Variants in MYO16 observed in about 807,000 individuals in gnomAD.
MYO16 encodes unconventional myosin-XVI.
In MYO16, 94 loss-of-function variants were observed where a neutral mutation model predicts 205.3. The ratio of observed to expected loss-of-function variants is 0.46; its 90% CI spans 0.39 to 0.54. The LOEUF (loss-of-function observed/expected upper bound fraction) is 0.54. Among genes scored for constraint, MYO16 ranks in the 20% least tolerant of loss-of-function variants. The pLI, the probability that MYO16 is intolerant of heterozygous loss-of-function variation, is 0.00. For missense variants in MYO16, 2,315 were observed against 2,387.5 expected, an observed-to-expected ratio of 0.97 and a Z score of 0.63; for synonymous variants, 988 against 954.0, an observed-to-expected ratio of 1.04 and a Z score of -0.66.
chr13:108,566,635 GAAAGA>G, the MYO16 span, among the ~76,000 whole-genome samples: 11 of 143,984 alleles, frequency 7.6e-5, no homozygotes, highest in East Asian at 4.1e-4. Flanking sequence ...GTGTAAGAAA[GAAAGA>G]AAAGAAAAGA....
intron 23 of MYO16, among the ~76,000 whole-genome samples, chr13:109,034,887 G>A (rs1886664619): frequency 6.6e-6 from 1 of 152,138 alleles, no homozygotes; most frequent in Admixed American, 6.5e-5. Flanking sequence ...TTAAAATTCA[G>A]TGTGAAGTGG....
At chr13:108,550,110 G>T in the MYO16 span, among the ~76,000 whole-genome samples, 14 of 152,250 alleles carry the variant, frequency 9.2e-5, no homozygotes, top group Admixed American at 2.0e-4. Context: ...TGGACAAGAA[G>T]TGAAGCATCT....
intron 21 of MYO16, among the ~76,000 whole-genome samples, chr13:109,007,118 G>A (rs189178075): frequency 5.3e-5 from 8 of 152,210 alleles, no homozygotes; most frequent in Non-Finnish European, 1.2e-4. Context: ...GCCAGGGGCG[G>A]TGGCTCATGC....
At chr13:108,996,110 C>G (rs1884993023) in intron 21 of MYO16, among the ~76,000 whole-genome samples, 2 of 152,184 alleles carry the variant, frequency 1.3e-5, no homozygotes, top group Non-Finnish European at 2.9e-5. Flanking sequence ...ATAAATCATG[C>G]TGCTATAAAG....
intron 32 of MYO16, among the ~76,000 whole-genome samples, chr13:109,145,648 A>G (rs1877295851): frequency 6.6e-6 from 1 of 152,220 alleles, no homozygotes; most frequent in African/African-American, 2.4e-5. Flanking sequence ...TGTGGCTAAT[A>G]TTATTATGCT....
the MYO16 span, among the ~76,000 whole-genome samples, chr13:108,589,356 T>C: frequency 0.015 from 2,263 of 152,332 alleles, 40 homozygotes; most frequent in East Asian, 0.054. Context: ...TCATATTTTA[T>C]TGTGCTACAT....
chr13:108,872,773 A>G (rs957119791), intron 12 of MYO16, among the ~76,000 whole-genome samples: 5 of 152,124 alleles, frequency 3.3e-5, no homozygotes, highest in Non-Finnish European at 7.4e-5. Flanking sequence ...GTCATAAAAT[A>G]AAAATGGAAA....
At chr13:108,543,628 C>T in the MYO16 span, among the ~76,000 whole-genome samples, 8 of 128,730 alleles carry the variant, frequency 6.2e-5, no homozygotes, top group African/African-American at 3.1e-5. Flanking sequence ...GGCGACAGAG[C>T]GAGCCTCCCT....
the MYO16 span, among the ~76,000 whole-genome samples, chr13:108,572,678 G>T: frequency 2.6e-5 from 4 of 152,036 alleles, no homozygotes; most frequent in Non-Finnish European, 5.9e-5. Context: ...TTGTGACATA[G>T]GTTACTGAAA....
At chr13:108,592,455 T>C (rs1287780319), upstream of MYO16, among the ~76,000 whole-genome samples, 6 of 56,858 alleles carry the variant, frequency 1.1e-4, no homozygotes, top group Non-Finnish European at 1.9e-4. Flanking sequence ...TATGAGGGTG[T>C]GGGGGTGCGG....
intron 19 of MYO16, among the ~76,000 whole-genome samples, 158 bp from the exon 20 acceptor site, chr13:108,964,603 A>G (rs916862110): frequency 1.3e-5 from 2 of 152,222 alleles, no homozygotes; most frequent in Admixed American, 6.5e-5. Context: ...ATTTTGCATA[A>G]TAACTGACGG....
At chr13:108,872,558 A>AT (rs1879121741) in intron 12 of MYO16, among the ~76,000 whole-genome samples, 1 of 151,946 alleles carries the variant, frequency 6.6e-6, no homozygotes, top group African/African-American at 2.4e-5. Flanking sequence ...GATACAATAC[A>AT]TTGAGATCAT....
chr13:109,062,201 C>T (rs1203920178), intron 27 of MYO16, among the ~76,000 whole-genome samples: 1 of 152,084 alleles, frequency 6.6e-6, no homozygotes, highest in Non-Finnish European at 1.5e-5. Flanking sequence ...ATAGTAAATG[C>T]AATTAATACT....
chr13:109,055,577 T>C lies in MYO16; in HGVS notation c.3317T>C (p.Phe1106Ser). The change falls in exon 27 of 35, where the codon TTC (phenylalanine) becomes TCC (serine). Residue 1106 changes from phenylalanine (F) to serine (S), a missense_variant. Phe to Ser is a radical substitution (Grantham distance 155). This residue lies in a region of MYO16 where 1,097 missense variants were observed against 1,092.0 expected (regional missense o/e 1.00). Transcript: ENST00000457511. This position sits in a 1 kb window ranked among gnomAD's most constrained non-coding sequence, Gnocchi z 5.0. ...TATGGATACCCTGTTCGCCTTTCCTTCTCGGATTTCCTGTCAAGGTAAATT... is the reference window on the plus strand; with the variant it reads ...TATGGATACCCTGTTCGCCTTTCCTCCTCGGATTTCCTGTCAAGGTAAATT... ...FRYGYPVRLS[F>S]SDFLSRYKPL... The C allele has an allele frequency of 6.2e-7, 1 of 1,610,860 alleles. No individual in the cohort carries two copies. Among genetic ancestry groups the C allele is most frequent in the Non-Finnish European group, 8.5e-7 (1 of 1,179,202 alleles).
chr13:109,143,733 C>G (rs566340976), intron 32 of MYO16, among the ~76,000 whole-genome samples: 59 of 152,262 alleles, frequency 3.9e-4, no homozygotes, highest in Admixed American at 1.4e-3. Context: ...TGGTATTAAC[C>G]AGTATTTGGG....
Position 109,133,980 on chromosome 13 carries a change from C to T in MYO16, c.4052-6284C>T, listed in dbSNP as rs1216218536. Reference sequence around the variant, plus strand: ...TTATGGAGTAGAACAGGATAATGCACTCTAGTCATCTGATGTTACTGAACC... The same window carrying T: ...TTATGGAGTAGAACAGGATAATGCATTCTAGTCATCTGATGTTACTGAACC... On this transcript the variant is annotated intron_variant, in intron 31 of 34. Transcript: ENST00000457511. Among the ~76,000 whole-genome samples, 8 of 152,252 alleles carry T rather than the reference C, an allele frequency of 5.3e-5. No homozygotes were observed. The East Asian group carries it at 1.2e-3, about 22-fold the overall frequency.
intron 27 of MYO16, among the ~76,000 whole-genome samples, chr13:109,069,933 A>G (rs1887875030): frequency 6.6e-6 from 1 of 152,112 alleles, no homozygotes; most frequent in Admixed American, 6.6e-5. Context: ...TGATCTTTAC[A>G]TTGAGAGTCC....
chr13:108,901,051 G>A (rs899243296), intron 15 of MYO16, among the ~76,000 whole-genome samples: 17 of 152,140 alleles, frequency 1.1e-4, no homozygotes, highest in Admixed American at 2.0e-4. Flanking sequence ...TTATTAGGAC[G>A]AGGAAATTCC....
At chr13:108,895,627 TCTG>T (rs1880376612) in intron 14 of MYO16, among the ~76,000 whole-genome samples, 1 of 152,216 alleles carries the variant, frequency 6.6e-6, no homozygotes, top group Non-Finnish European at 1.5e-5. Context: ...AGTGTGTGAT[TCTG>T]AAAGCCAACT....
Sources: gnomAD v4.1 joint callset for allele counts (sites outside exome capture counted in the v4.1 genomes callset) on GRCh38, gnomAD v4.1.1 for gene constraint, gnomAD v4.1.1 regional missense constraint, Gnocchi (gnomAD v3.1) non-coding constraint, MANE v1.5 for transcripts, NCBI Gene and HGNC (gene_info 2026-07-23, HGNC 2026-07-21) for gene names.